ANXA4: variants seen among roughly 807,000 people sequenced by gnomAD.
The protein encoded by ANXA4 is 35-beta calcimedin.
In ANXA4, 39 loss-of-function variants were observed where a neutral mutation model predicts 49.8. That is an observed-to-expected ratio of 0.78 (90% CI 0.61 to 1.02). The LOEUF is 1.02. Among genes scored for constraint, ANXA4 ranks in the 50% least tolerant of loss-of-function variants. The probability of loss-of-function intolerance (pLI) is 0.00; values close to 1 mark genes in which losing one functional copy is unlikely to be tolerated. For missense variants in ANXA4, 360 were observed against 410.1 expected, an observed-to-expected ratio of 0.88 and a Z score of 1.05; for synonymous variants, 134 against 152.5, an observed-to-expected ratio of 0.88 and a Z score of 0.89.
chr2:69,677,637 C>T (rs948495491), intron 2 of ANXA4, among the ~76,000 whole-genome samples: 2 of 152,166 alleles, frequency 1.3e-5, no homozygotes, highest in East Asian at 1.9e-4. Flanking sequence ...GCTCAGAACA[C>T]GATACCCTAA....
intron 2 of ANXA4, among the ~76,000 whole-genome samples, chr2:69,665,804 G>C (rs909969982): frequency 6.6e-6 from 1 of 152,144 alleles, no homozygotes; most frequent in Non-Finnish European, 1.5e-5. Flanking sequence ...ACAACCCACA[G>C]AATGGGGGAA....
chr2:69,656,391 GTA>G lies in ANXA4; in HGVS notation n.766+3117_766+3118del, dbSNP rs1471743530. ...TGTGTATATATGTGTATATATATGT[GTA>G]TATATATGTATATATATGTATATAT... On this transcript the variant is annotated intron_variant and non_coding_transcript_variant, in intron 2 of 3. Transcript: ENST00000418066. Among the ~76,000 whole-genome samples the G allele has an allele frequency of 1.5e-3, 106 of 73,044 alleles. 2 individuals are homozygous for G. Among genetic ancestry groups the G allele is most frequent in the African/African-American group, 4.9e-3 (101 of 20,538 alleles). The allele number at this position is 73,044 out of a possible 152,430, so 47.9% of individuals were successfully genotyped here.
chr2:69,689,190 G>A (rs1316568186), intron 2 of ANXA4, among the ~76,000 whole-genome samples: 5 of 152,064 alleles, frequency 3.3e-5, no homozygotes, highest in Admixed American at 2.0e-4. Flanking sequence ...CTGGGTTCAA[G>A]TGATCCTCCT....
intron 2 of ANXA4, among the ~76,000 whole-genome samples, chr2:69,658,986 A>G (rs1573065090): frequency 1.3e-5 from 2 of 152,202 alleles, no homozygotes; most frequent in South Asian, 4.1e-4. Context: ...GTGAGCCACT[A>G]TGCCTGGCCA....
intron 2 of ANXA4, among the ~76,000 whole-genome samples, chr2:69,654,697 T>C (rs951252455): frequency 2.0e-5 from 3 of 152,136 alleles, no homozygotes; most frequent in African/African-American, 7.2e-5. Context: ...CAGTATTTTA[T>C]TGAGGAATTT....
chr2:69,774,798 G>A (rs922413993), intron 1 of ANXA4, among the ~76,000 whole-genome samples: 1 of 152,136 alleles, frequency 6.6e-6, no homozygotes, highest in African/African-American at 2.4e-5. Context: ...TTTATAAGGG[G>A]AGAGGAACAG....
In ANXA4 at chr2:69,652,077, A is replaced by G. The variant is rs190974884; in HGVS notation, n.482-921A>G. Among the ~76,000 whole-genome samples, 266 of 152,156 alleles carry G rather than the reference A, an allele frequency of 1.7e-3. 2 individuals carry two copies. Among genetic ancestry groups the G allele is most frequent in the African/African-American group, 6.2e-3 (257 of 41,498 alleles). ...ACCCAGGCTAGAGGGCAGTGGCACA[A>G]TCTCAGCTCCCTGCAACCTCTGCCT... On this transcript the variant is annotated intron_variant and non_coding_transcript_variant, in intron 1 of 3. Transcript: ENST00000418066.
chr2:69,807,368 C>T (rs1433141536), intron 5 of ANXA4, among the ~76,000 whole-genome samples: 1 of 152,142 alleles, frequency 6.6e-6, no homozygotes, highest in Non-Finnish European at 1.5e-5. Context: ...CCCACTGTGC[C>T]CTAGCCTGGT....
chr2:69,786,017 T>C (rs1007532778), intron 2 of ANXA4, among the ~76,000 whole-genome samples: 1 of 152,214 alleles, frequency 6.6e-6, no homozygotes, highest in Non-Finnish European at 1.5e-5. Context: ...GACTTTATTA[T>C]ACTGGATGTG....
At chr2:69,808,600 C>T (rs1673554669) in intron 6 of ANXA4, 1 of 152,960 alleles carries the variant, frequency 6.5e-6, no homozygotes, top group Middle Eastern at 3.4e-3. Context: ...AAATATTATA[C>T]ACTTACACAA....
chr2:69,732,343 C>T (rs115990129), intron 3 of ANXA4, among the ~76,000 whole-genome samples: 1,532 of 152,076 alleles, frequency 0.01, 29 homozygotes, highest in African/African-American at 0.032. Context: ...GGGTGTCGCT[C>T]GCTGTGTCTG....
chr2:69,797,999 C>T (rs1673012975), intron 3 of ANXA4, among the ~76,000 whole-genome samples: 1 of 152,192 alleles, frequency 6.6e-6, no homozygotes, highest in Non-Finnish European at 1.5e-5. Flanking sequence ...GAAGTCTGAC[C>T]TGTGGCATGC....
At chr2:69,689,998 A>AT (rs1384939890) in intron 2 of ANXA4, among the ~76,000 whole-genome samples, 2 of 151,916 alleles carry the variant, frequency 1.3e-5, no homozygotes, top group African/African-American at 4.8e-5. Context: ...ACTATAGACA[A>AT]TTTTTTCTAC....
chr2:69,791,064 G>A (rs998751717), intron 3 of ANXA4, among the ~76,000 whole-genome samples: 1 of 152,158 alleles, frequency 6.6e-6, no homozygotes, highest in Non-Finnish European at 1.5e-5. Flanking sequence ...CTTGTTCCAT[G>A]AGGAATTTTA....
intron 1 of ANXA4, among the ~76,000 whole-genome samples, chr2:69,747,880 C>G (rs1215941299): frequency 1.3e-5 from 2 of 151,894 alleles, no homozygotes; most frequent in East Asian, 3.9e-4. Flanking sequence ...TAGATAGGGT[C>G]TTACTATGTT....
At chr2:69,680,851 T>C (rs1412668750) in intron 2 of ANXA4, among the ~76,000 whole-genome samples, 3 of 152,146 alleles carry the variant, frequency 2.0e-5, no homozygotes, top group Non-Finnish European at 2.9e-5. Flanking sequence ...CTGAGATAAA[T>C]CTCTCTTAAT....
intron 2 of ANXA4, among the ~76,000 whole-genome samples, chr2:69,786,386 C>T (rs1374594164): frequency 1.3e-5 from 2 of 152,162 alleles, no homozygotes; most frequent in East Asian, 3.9e-4. Flanking sequence ...CAGATCTTGG[C>T]CCAGGCTCTC....
intron 2 of ANXA4, among the ~76,000 whole-genome samples, chr2:69,699,492 A>G (rs766968212): frequency 2.6e-5 from 4 of 151,912 alleles, no homozygotes; most frequent in Non-Finnish European, 5.9e-5. Flanking sequence ...ATGAGAAATA[A>G]ATAAGCCAGG....
chr2:69,653,580 A>G (rs947990895), intron 2 of ANXA4, among the ~76,000 whole-genome samples: 44 of 152,262 alleles, frequency 2.9e-4, no homozygotes, highest in African/African-American at 1.0e-3. Context: ...ATAGCCTAGC[A>G]ATTACCCCTG....
Sources: gnomAD v4.1 joint callset for allele counts (sites outside exome capture counted in the v4.1 genomes callset) on GRCh38, gnomAD v4.1.1 for gene constraint, MANE v1.5 for transcripts, NCBI Gene and HGNC (gene_info 2026-07-23, HGNC 2026-07-21) for gene names.